Variants in SORCS2 observed in about 807,000 individuals in gnomAD.
SORCS2 encodes VPS10 domain-containing receptor SorCS2.
In SORCS2, 100 loss-of-function variants were observed where a neutral mutation model predicts 141.6. That is an observed-to-expected ratio of 0.71 (90% confidence interval 0.60 to 0.83). The LOEUF (loss-of-function observed/expected upper bound fraction) is 0.83. SORCS2 is among the 40% of genes least tolerant of loss of function. The probability of loss-of-function intolerance (pLI) is 0.00; values close to 1 mark genes in which losing one functional copy is unlikely to be tolerated. For synonymous variants in SORCS2, 789 were observed against 676.9 expected (o/e 1.17, Z -2.57); for missense variants, 1,646 against 1,560.2 (o/e 1.05, Z -0.93).
chr4:7,462,837 C>T (rs10014237), intron 2 of SORCS2, among the ~76,000 whole-genome samples: 16 of 149,932 alleles, frequency 1.1e-4, no homozygotes, highest in African/African-American at 3.4e-4. Flanking sequence ...ACGGTGCACT[C>T]GCCAGAGGGA....
intron 2 of SORCS2, among the ~76,000 whole-genome samples, chr4:7,461,426 T>C (rs1418621602): frequency 1.3e-5 from 2 of 152,150 alleles, no homozygotes; most frequent in Non-Finnish European, 2.9e-5. Context: ...CAAGGCCGCC[T>C]CTGCATGGTG....
At chr4:7,359,102 C>G (rs1380499966) in intron 1 of SORCS2, among the ~76,000 whole-genome samples, 1 of 152,208 alleles carries the variant, frequency 6.6e-6, no homozygotes, top group East Asian at 1.9e-4. Context: ...TCAAGACCAG[C>G]CTGGCCAACA....
chr4:7,485,618 G>A (rs753853819), intron 2 of SORCS2, among the ~76,000 whole-genome samples: 9 of 152,248 alleles, frequency 5.9e-5, no homozygotes, highest in Non-Finnish European at 8.8e-5. Flanking sequence ...GGAAGGAAAC[G>A]GAGGTTGTGG....
chr4:7,327,407 C>G (rs938989231), intron 1 of SORCS2, among the ~76,000 whole-genome samples: 5 of 152,212 alleles, frequency 3.3e-5, no homozygotes, highest in Non-Finnish European at 5.9e-5. Flanking sequence ...ACCTCCGCTC[C>G]TCTCTTGTCT....
chr4:7,305,930 C>G (rs933822832), intron 1 of SORCS2, among the ~76,000 whole-genome samples: 1 of 152,208 alleles, frequency 6.6e-6, no homozygotes, highest in African/African-American at 2.4e-5. Context: ...AGGGGTGAGG[C>G]TGGGGGCTAT....
chr4:7,581,275 C>T (rs1716124968), intron 3 of SORCS2, among the ~76,000 whole-genome samples: 1 of 151,622 alleles, frequency 6.6e-6, no homozygotes, highest in Non-Finnish European at 1.5e-5. Flanking sequence ...GAGGCTCAGC[C>T]TCACTCTTAA....
intron 19 of SORCS2, among the ~76,000 whole-genome samples, chr4:7,724,561 A>ATGGTGGTGGTGATGGTGATGG (rs1560114068): frequency 9.4e-6 from 1 of 106,244 alleles, no homozygotes; most frequent in Non-Finnish European, 1.9e-5. Flanking sequence ...GTGGGAATGG[A>ATGGTGGTGGTGATGGTGATGG]TGGTGGTGGT....
chr4:7,509,819 T>C (rs1732505522), intron 2 of SORCS2, among the ~76,000 whole-genome samples: 1 of 152,188 alleles, frequency 6.6e-6, no homozygotes, highest in African/African-American at 2.4e-5. Flanking sequence ...GGATAGGCTC[T>C]GGCTCCTGTC....
intron 3 of SORCS2, among the ~76,000 whole-genome samples, chr4:7,563,611 G>C (rs1714756561): frequency 6.6e-6 from 1 of 152,176 alleles, no homozygotes; most frequent in African/African-American, 2.4e-5. Flanking sequence ...CTGGGAGCAC[G>C]TTCCTTGACA....
chr4:7,434,129 C>T lies in SORCS2; in HGVS notation c.548+37774C>T, dbSNP rs565690935. ...GCCCCTAGCTCCTCACAGAATCCCC[C>T]CTTCCTGCAGAGCTCCTGCGGGGGG... On this transcript the variant is annotated intron_variant, in intron 2 of 26. Coordinates refer to ENST00000507866, the MANE Select transcript of SORCS2 (RefSeq NM_020777.3). 245 of 1,613,250 alleles carry T rather than the reference C, an allele frequency of 1.5e-4. No homozygotes were observed. In the South Asian group the frequency reaches 2.5e-3, roughly 17 times the overall value.
chr4:7,210,618 G>A (rs1728009851), intron 1 of SORCS2, among the ~76,000 whole-genome samples: 2 of 152,180 alleles, frequency 1.3e-5, no homozygotes, highest in Non-Finnish European at 2.9e-5. Flanking sequence ...AAGATGGTTG[G>A]CTGCAGGTGG....
intron 1 of SORCS2, among the ~76,000 whole-genome samples, chr4:7,210,770 C>A (rs1322513344): frequency 2.0e-5 from 3 of 152,258 alleles, no homozygotes; most frequent in Admixed American, 1.3e-4. Context: ...GGCAAAAGTG[C>A]TGGGCACCGA....
chr4:7,617,382 G>A (rs1237488055), intron 3 of SORCS2, among the ~76,000 whole-genome samples: 1 of 152,048 alleles, frequency 6.6e-6, no homozygotes, highest in Non-Finnish European at 1.5e-5. Context: ...ACCCACCCGT[G>A]CATGCATACA....
chr4:7,370,004 C>T (rs1037598258), intron 1 of SORCS2, among the ~76,000 whole-genome samples: 4 of 152,202 alleles, frequency 2.6e-5, no homozygotes, highest in Non-Finnish European at 4.4e-5. Context: ...GTTTCCTCCT[C>T]GATAAAATAG....
chr4:7,492,457 G>T (rs1731373434), intron 2 of SORCS2, among the ~76,000 whole-genome samples: 1 of 152,230 alleles, frequency 6.6e-6, no homozygotes, highest in Admixed American at 6.5e-5. Flanking sequence ...GATACACCAG[G>T]GTTCTTCATG....
chr4:7,634,363 C>G (rs1720095648), intron 3 of SORCS2, among the ~76,000 whole-genome samples: 2 of 127,982 alleles, frequency 1.6e-5, no homozygotes, highest in Non-Finnish European at 3.2e-5. Flanking sequence ...CAGAGCGAGA[C>G]TGTGTCTCAA....
chr4:7,615,577 C>T (rs1339808974), intron 3 of SORCS2, among the ~76,000 whole-genome samples: 1 of 152,218 alleles, frequency 6.6e-6, no homozygotes, highest in Non-Finnish European at 1.5e-5. Flanking sequence ...CACCTCCACT[C>T]TTGCCACATC....
chr4:7,299,106 G>A (rs974087530), intron 1 of SORCS2, among the ~76,000 whole-genome samples: 20 of 152,264 alleles, frequency 1.3e-4, no homozygotes, highest in Non-Finnish European at 1.6e-4. Flanking sequence ...TGGTGAGACA[G>A]GCTGGGGGAG....
intron 4 of SORCS2, among the ~76,000 whole-genome samples, chr4:7,643,856 C>G (rs1238076654): frequency 6.6e-6 from 1 of 152,148 alleles, no homozygotes; most frequent in Non-Finnish European, 1.5e-5. Context: ...CCCAGCAGAG[C>G]TACAAGCTTC....
Sources: allele counts gnomAD v4.1 joint callset (sites outside exome capture counted in the v4.1 genomes callset), GRCh38; gene constraint gnomAD v4.1.1; transcripts MANE v1.5; gene names NCBI Gene and HGNC (gene_info 2026-07-23, HGNC 2026-07-21).